GLIS3: variants seen among roughly 807,000 people sequenced by gnomAD.
GLIS3 encodes the protein zinc finger protein GLIS3.
A neutral mutation model predicts 78.6 loss-of-function variants in GLIS3; 53 were observed. The ratio of observed to expected loss-of-function variants is 0.67; its 90% CI spans 0.54 to 0.85. The LOEUF (loss-of-function observed/expected upper bound fraction) is 0.85. Ranked by LOEUF, GLIS3 falls within the 40% of genes least tolerant of loss-of-function variation. The pLI, the probability that GLIS3 is intolerant of heterozygous loss-of-function variation, is 0.00. For missense variants in GLIS3, 1,703 were observed against 1,231.1 expected (o/e 1.38, Z -5.74); for synonymous variants, 684 against 509.9 (o/e 1.34, Z -4.60).
chr9:4,175,501 A>G (rs1293700228), intron 2 of GLIS3, among the ~76,000 whole-genome samples: 3 of 152,094 alleles, frequency 2.0e-5, no homozygotes, highest in African/African-American at 7.3e-5. Context: ...TAACTTTTAT[A>G]TATCCTTTGA....
chr9:4,307,301 T>C (rs947365488), intron 4 of GLIS3, among the ~76,000 whole-genome samples: 2 of 152,182 alleles, frequency 1.3e-5, no homozygotes, highest in Admixed American at 1.3e-4. Flanking sequence ...GTGATAAACA[T>C]AATTTATGTA....
chr9:3,844,817 T>C (rs1818936316), intron 9 of GLIS3, among the ~76,000 whole-genome samples: 1 of 152,200 alleles, frequency 6.6e-6, no homozygotes, highest in African/African-American at 2.4e-5. Context: ...TATAAAAAGA[T>C]GCTCAATTAC....
At chr9:4,225,487 C>T (rs1197174345) in intron 2 of GLIS3, among the ~76,000 whole-genome samples, 1 of 152,134 alleles carries the variant, frequency 6.6e-6, no homozygotes, top group Non-Finnish European at 1.5e-5. Flanking sequence ...ATTCCTGCAA[C>T]CTAACGAGGA....
chr9:4,331,157 C>T (rs1031134281), intron 2 of GLIS3, among the ~76,000 whole-genome samples: 11 of 152,114 alleles, frequency 7.2e-5, no homozygotes, highest in African/African-American at 2.7e-4. Context: ...GTCAGCAGGC[C>T]CACACTCCCC....
At chr9:4,320,375 G>A (rs1416875192) in intron 2 of GLIS3, among the ~76,000 whole-genome samples, 2 of 152,034 alleles carry the variant, frequency 1.3e-5, no homozygotes, top group Non-Finnish European at 2.9e-5. Flanking sequence ...GACTGAAAAG[G>A]CATCTTCAGT....
At chr9:4,332,085 C>T (rs1309153487) in intron 2 of GLIS3, among the ~76,000 whole-genome samples, 2 of 152,186 alleles carry the variant, frequency 1.3e-5, no homozygotes, top group Non-Finnish European at 2.9e-5. Context: ...AAGGATTTCT[C>T]ATATCCTTTG....
intron 3 of GLIS3, among the ~76,000 whole-genome samples, chr9:4,309,461 C>T (rs1379349989): frequency 2.0e-5 from 3 of 151,946 alleles, no homozygotes; most frequent in Non-Finnish European, 2.9e-5. Flanking sequence ...AAGGAAGAGT[C>T]CTGAGTGGGT....
chr9:4,184,954 A>G (rs993448606), intron 2 of GLIS3, among the ~76,000 whole-genome samples: 4 of 152,208 alleles, frequency 2.6e-5, no homozygotes, highest in Non-Finnish European at 4.4e-5. Flanking sequence ...TTTGTGAAAA[A>G]CAACAAATTT....
At chr9:4,122,996 G>A (rs1265698162) in intron 3 of GLIS3, among the ~76,000 whole-genome samples, 2 of 152,064 alleles carry the variant, frequency 1.3e-5, no homozygotes, top group Non-Finnish European at 2.9e-5. Flanking sequence ...CAAATATATA[G>A]CCTTAAGGCA....
At chr9:4,382,525 C>G in the GLIS3 span, among the ~76,000 whole-genome samples, 1 of 152,122 alleles carries the variant, frequency 6.6e-6, no homozygotes, top group Non-Finnish European at 1.5e-5. Flanking sequence ...GTCTGAATTC[C>G]TATGGTTCTT....
At chr9:4,111,557 T>C (rs957238083) in intron 4 of GLIS3, among the ~76,000 whole-genome samples, 2 of 152,246 alleles carry the variant, frequency 1.3e-5, no homozygotes, top group Non-Finnish European at 1.5e-5. Context: ...ATTTGACAGA[T>C]GCCTTATAGA....
intron 4 of GLIS3, among the ~76,000 whole-genome samples, chr9:4,045,534 T>G (rs772623752): frequency 4.0e-5 from 6 of 151,410 alleles, no homozygotes; most frequent in Non-Finnish European, 8.8e-5. Flanking sequence ...GAGATGGGTT[T>G]CACCATGTTG....
chr9:4,247,438 A>G (rs1823903367), intron 2 of GLIS3, among the ~76,000 whole-genome samples: 1 of 152,232 alleles, frequency 6.6e-6, no homozygotes, highest in Non-Finnish European at 1.5e-5. Flanking sequence ...AATTATAAGA[A>G]TAGATCTATA....
chr9:4,397,150 C>T, the GLIS3 span, among the ~76,000 whole-genome samples: 9 of 140,594 alleles, frequency 6.4e-5, no homozygotes, highest in Non-Finnish European at 1.2e-4. Flanking sequence ...CTCAGCCTCC[C>T]GAGTAGCTGG....
intron 2 of GLIS3, among the ~76,000 whole-genome samples, chr9:4,329,590 T>G (rs1283765423): frequency 6.6e-6 from 1 of 152,044 alleles, no homozygotes; most frequent in African/African-American, 2.4e-5. Flanking sequence ...CTGTGCCAAG[T>G]ACAGCACAAC....
At chr9:4,139,268 T>C (rs1322389232) in intron 2 of GLIS3, among the ~76,000 whole-genome samples, 1 of 152,198 alleles carries the variant, frequency 6.6e-6, no homozygotes, top group Non-Finnish European at 1.5e-5. Context: ...GTGAGACCCC[T>C]CACTGTACGG....
At chr9:3,860,013 C>T (rs541619504) in intron 8 of GLIS3, among the ~76,000 whole-genome samples, 23 of 152,162 alleles carry the variant, frequency 1.5e-4, no homozygotes, top group Admixed American at 4.6e-4. Flanking sequence ...TGGTGGCTCA[C>T]GCCTGTAATC....
At chr9:4,445,789 C>A in the GLIS3 span, among the ~76,000 whole-genome samples, 2 of 152,192 alleles carry the variant, frequency 1.3e-5, no homozygotes, top group Non-Finnish European at 2.9e-5. Flanking sequence ...CAAGTACACA[C>A]CCCACTATGA....
the GLIS3 span, among the ~76,000 whole-genome samples, chr9:4,478,147 C>G: frequency 6.6e-6 from 1 of 152,040 alleles, no homozygotes; most frequent in Non-Finnish European, 1.5e-5. Context: ...AACAAAGACA[C>G]TATTGAAACA....
Sources: gnomAD v4.1 joint callset for allele counts (sites outside exome capture counted in the v4.1 genomes callset) on GRCh38, gnomAD v4.1.1 for gene constraint, MANE v1.5 for transcripts, NCBI Gene and HGNC (gene_info 2026-07-23, HGNC 2026-07-21) for gene names.